LMBRD1: variants seen among roughly 807,000 people sequenced by gnomAD.
LMBRD1 encodes the protein lysosomal cobalamin transport escort protein LMBD1.
Under a neutral mutation model 74.8 loss-of-function variants are expected in LMBRD1, and 64 were observed. That is an observed-to-expected ratio of 0.86 (90% CI 0.70 to 1.05). The LOEUF is 1.05. LMBRD1 is among the 50% of genes least tolerant of loss of function. LMBRD1 has a pLI of 0.00. For synonymous variants in LMBRD1, 204 were observed against 216.3 expected (o/e 0.94, Z 0.50); for missense variants, 652 against 645.9 (o/e 1.01, Z -0.10).
chr6:69,708,625 C>G (rs552526335), intron 9 of LMBRD1, among the ~76,000 whole-genome samples: 1 of 149,068 alleles, frequency 6.7e-6, no homozygotes, highest in African/African-American at 2.5e-5. Context: ...ATGGCAATCA[C>G]AAGATCAACA....
At chr6:69,716,016 A>C (rs1766481539) in intron 8 of LMBRD1, among the ~76,000 whole-genome samples, 1 of 152,180 alleles carries the variant, frequency 6.6e-6, no homozygotes, top group African/African-American at 2.4e-5. Flanking sequence ...GCAGTCTACC[A>C]TTGATGAGCA....
At chr6:69,757,190 C>G (rs1582130436) in intron 3 of LMBRD1, among the ~76,000 whole-genome samples, 1 of 152,084 alleles carries the variant, frequency 6.6e-6, no homozygotes, top group Non-Finnish European at 1.5e-5. Flanking sequence ...TTGACTAAAA[C>G]AAGCCCAGAC....
At chr6:69,781,794 T>C (rs530803907) in intron 2 of LMBRD1, among the ~76,000 whole-genome samples, 3 of 152,282 alleles carry the variant, frequency 2.0e-5, no homozygotes, top group South Asian at 2.1e-4. Context: ...TTCCCACATT[T>C]AAAGATTGTA....
chr6:69,700,730 G>T, intron 12 of LMBRD1, 35 bp downstream of exon 12: 1 of 1,327,454 alleles, frequency 7.5e-7, no homozygotes, highest in South Asian at 1.5e-5. Context: ...CACACAAAAT[G>T]ATGAGAAAAA....
At chr6:69,705,666 T>A (rs975089575) in intron 9 of LMBRD1, 1 of 881,088 alleles carries the variant, frequency 1.1e-6, no homozygotes, top group South Asian at 1.3e-5. Flanking sequence ...ATTATCATCA[T>A]CATCATCATC....
At chr6:69,704,956 TTC>T (rs1253581111) in intron 9 of LMBRD1, among the ~76,000 whole-genome samples, 4 of 151,620 alleles carry the variant, frequency 2.6e-5, no homozygotes, top group Non-Finnish European at 5.9e-5. Context: ...GGCTATTAAT[TTC>T]TCTTTTTTTT....
chr6:69,785,509 T>A (rs536114579), intron 2 of LMBRD1, among the ~76,000 whole-genome samples: 2 of 152,220 alleles, frequency 1.3e-5, no homozygotes, highest in Non-Finnish European at 1.5e-5. Flanking sequence ...CACTTGCCCA[T>A]GCACATGCCC....
chr6:69,714,641 A>G (rs1378710515), intron 8 of LMBRD1, among the ~76,000 whole-genome samples: 1 of 152,176 alleles, frequency 6.6e-6, no homozygotes, highest in East Asian at 1.9e-4. Context: ...TAATATTCCT[A>G]TTAAGGTTTA....
At chr6:69,789,133 GA>G (rs34238709) in intron 2 of LMBRD1, among the ~76,000 whole-genome samples, 78 of 152,004 alleles carry the variant, frequency 5.1e-4, no homozygotes, top group African/African-American at 1.8e-3. Flanking sequence ...ATGGTGTACA[GA>G]AAAAAAATGT....
At position 69,675,829 on chromosome 6, in the gene LMBRD1, T is replaced by C. The variant is rs747782499; in HGVS notation, c.*329A>G. The C allele has an allele frequency of 7.0e-6, 2 of 286,684 alleles. No individual in the cohort carries two copies. Among genetic ancestry groups the C allele is most frequent in the East Asian group, 8.5e-5 (1 of 11,816 alleles). 17.8% of individuals were successfully genotyped at this position (286,684 alleles called of 1,614,324 possible). On this transcript the variant is annotated 3_prime_UTR_variant, in exon 16 of 16. Coordinates refer to ENST00000649934, the MANE Select transcript of LMBRD1 (RefSeq NM_018368.4). Reference sequence around the variant, plus strand: ...AGGCACAGATACAGATGATTTATTATGTTTTCAAAAAGTGACAAAAGGGAA... The same window carrying C: ...AGGCACAGATACAGATGATTTATTACGTTTTCAAAAAGTGACAAAAGGGAA...
intron 13 of LMBRD1, among the ~76,000 whole-genome samples, chr6:69,698,061 A>G (rs1766045514): frequency 6.6e-6 from 1 of 152,048 alleles, no homozygotes; most frequent in South Asian, 2.1e-4. Flanking sequence ...AGGCAAGAAG[A>G]GAATAAAAAG....
At chr6:69,784,764 T>TA (rs1000403455) in intron 2 of LMBRD1, among the ~76,000 whole-genome samples, 5 of 152,142 alleles carry the variant, frequency 3.3e-5, no homozygotes, top group Non-Finnish European at 5.9e-5. Flanking sequence ...ACACTCCTAT[T>TA]ACACCCAACC....
chr6:69,795,339 C>T (rs12206929), intron 1 of LMBRD1, among the ~76,000 whole-genome samples: 1,911 of 152,228 alleles, frequency 0.013, 27 homozygotes, highest in Non-Finnish European at 0.017. Context: ...ATATTGTTGT[C>T]TATTCTCTTA....
chr6:69,710,803 A>C (rs796198015), intron 9 of LMBRD1, among the ~76,000 whole-genome samples: 7 of 152,300 alleles, frequency 4.6e-5, no homozygotes, highest in African/African-American at 1.2e-4. Context: ...ACTCTTACAG[A>C]CACTACATAA....
At chr6:69,717,242 T>C (rs1165125171) in intron 8 of LMBRD1, among the ~76,000 whole-genome samples, 1 of 152,158 alleles carries the variant, frequency 6.6e-6, no homozygotes, top group Non-Finnish European at 1.5e-5. Flanking sequence ...TTTTAGATTA[T>C]CATGGTAGAT....
intron 3 of LMBRD1, among the ~76,000 whole-genome samples, chr6:69,762,295 A>G (rs1404736428): frequency 1.3e-5 from 2 of 152,016 alleles, no homozygotes; most frequent in African/African-American, 4.8e-5. Context: ...GCTGGACCAT[A>G]TAGGAAATTT....
At chr6:69,759,238 T>C (rs1225615792) in intron 3 of LMBRD1, among the ~76,000 whole-genome samples, 1 of 152,216 alleles carries the variant, frequency 6.6e-6, no homozygotes, top group African/African-American at 2.4e-5. Context: ...AACAAGTATA[T>C]ATTTTATAGG....
At chr6:69,768,840 G>A (rs775427752) in intron 3 of LMBRD1, among the ~76,000 whole-genome samples, 10 of 151,980 alleles carry the variant, frequency 6.6e-5, no homozygotes, top group Non-Finnish European at 1.3e-4. Flanking sequence ...AGAGGACACA[G>A]AAATCTTTAT....
intron 4 of LMBRD1, among the ~76,000 whole-genome samples, chr6:69,750,331 G>C (rs1376352271): frequency 6.6e-6 from 1 of 151,650 alleles, no homozygotes; most frequent in Non-Finnish European, 1.5e-5. Context: ...AAGGCACATA[G>C]GTCATAAGTG....
Sources: gnomAD v4.1 joint callset for allele counts (sites outside exome capture counted in the v4.1 genomes callset) on GRCh38, gnomAD v4.1.1 for gene constraint, MANE v1.5 for transcripts, NCBI Gene and HGNC (gene_info 2026-07-23, HGNC 2026-07-21) for gene names.